The following IMPACT variants were observed in gnomAD, a reference collection of about 807,000 sequenced individuals.
IMPACT encodes impact RWD domain protein, also known as protein IMPACT.
In IMPACT, 35 loss-of-function variants were observed where a neutral mutation model predicts 47.5. That is an observed-to-expected ratio of 0.74 (90% CI 0.56 to 0.98). The LOEUF (loss-of-function observed/expected upper bound fraction) is 0.98. Among genes scored for constraint, IMPACT ranks in the 50% least tolerant of loss-of-function variants. The pLI is 0.00. For synonymous variants in IMPACT, 118 were observed against 125.6 expected, an observed-to-expected ratio of 0.94 and a Z score of 0.40; for missense variants, 373 against 394.8, an observed-to-expected ratio of 0.94 and a Z score of 0.47.
chr18:24,444,307 A>C (rs1366855352), intron 7 of IMPACT, among the ~76,000 whole-genome samples: 1 of 152,184 alleles, frequency 6.6e-6, no homozygotes, highest in Non-Finnish European at 1.5e-5. Context: ...TTTAGAGGTC[A>C]TTGTCTATTT....
At chr18:24,427,762 G>A in intron 1 of IMPACT, 157 bp from the exon 2 acceptor site, 1 of 625,938 alleles carries the variant, frequency 1.6e-6, no homozygotes, top group Non-Finnish European at 2.6e-6. Flanking sequence ...AGCAGAACAT[G>A]GTGACCTGCT....
chr18:24,441,456 A>G (rs1464887774), intron 6 of IMPACT, among the ~76,000 whole-genome samples: 1 of 152,226 alleles, frequency 6.6e-6, no homozygotes, highest in Admixed American at 6.5e-5. Context: ...TGGGATTATT[A>G]TAGGCGTGAG....
chr18:24,437,216 C>G (rs902850187), intron 4 of IMPACT, among the ~76,000 whole-genome samples: 15 of 152,134 alleles, frequency 9.9e-5, no homozygotes, highest in Admixed American at 9.8e-4. Flanking sequence ...ACCATACTTA[C>G]TACAATTAGT....
chr18:24,445,379 T>C lies in IMPACT; in HGVS notation c.595-14T>C. On this transcript the variant is annotated splice_polypyrimidine_tract_variant and intron_variant, in intron 7 of 10. Transcript: ENST00000284202. ...ATAAAAAGCATACTTATTTATATTA[T>C]TGCTGTTTTTAAGGTGAAAATGGTT... 1.4e-6 allele frequency: 2 copies of C among 1,453,300 alleles called. No homozygotes were observed. The highest frequency in any genetic ancestry group is 1.9e-6 in the Non-Finnish European group (2 of 1,047,622). 90.0% of individuals were successfully genotyped at this position (1,453,300 alleles called of 1,614,324 possible).
rs1453157221 is a variant in IMPACT at position 24,449,996 on chromosome 18, T to G, written c.894+43T>G. On this transcript the variant is annotated intron_variant, in intron 10 of 10. Coordinates refer to ENST00000284202, the MANE Select transcript of IMPACT (RefSeq NM_018439.4). ...CTACATCTAGAGAATTTCTCATCAC[T>G]GCCTGGGAATTTTTTAAAAAGACAG... 3.8e-6 allele frequency: 6 copies of G among 1,593,232 alleles called. No individual in the cohort carries two copies. In the Admixed American group the frequency reaches 8.4e-5, roughly 22 times the overall value.
chr18:24,448,505 G>A (rs1165932139), intron 9 of IMPACT, among the ~76,000 whole-genome samples: 1 of 151,350 alleles, frequency 6.6e-6, no homozygotes, highest in Non-Finnish European at 1.5e-5. Context: ...ATGGAACTCC[G>A]GTTAGTTGGA....
In IMPACT at chr18:24,434,776, A is replaced by AAAAT. The variant is rs1164402384; in HGVS notation, c.282-3178_282-3177insAATA. Among the ~76,000 whole-genome samples the AAAAT allele has an allele frequency of 1.9e-4, 22 of 113,998 alleles. No individual in the cohort carries two copies. In the South Asian group the frequency reaches 4.3e-3, roughly 22 times the overall value. The allele number at this position is 113,998 out of a possible 152,430, so 74.8% of individuals were successfully genotyped here. On this transcript the variant is annotated intron_variant, in intron 4 of 10. Transcript: ENST00000284202. ...AAAACTCTGTCTCAAAAAAAAAAAAAATATATATATATATATATATGTGTG... is the reference window on the plus strand; with the variant it reads ...AAAACTCTGTCTCAAAAAAAAAAAAAAAATATATATATATATATATATATGTGTG...
Position 24,450,010 on chromosome 18 carries a change from T to G in IMPACT, c.894+57T>G, listed in dbSNP as rs1599769038. 6 of 1,560,856 alleles carry G rather than the reference T, an allele frequency of 3.8e-6. No homozygotes were observed. In the East Asian group the frequency reaches 9.0e-5, roughly 23 times the overall value. Reference sequence around the variant, plus strand: ...TTTCTCATCACTGCCTGGGAATTTTTTAAAAAGACAGAAAATTAAGAATGA... The same window carrying G: ...TTTCTCATCACTGCCTGGGAATTTTGTAAAAAGACAGAAAATTAAGAATGA... On this transcript the variant is annotated intron_variant, in intron 10 of 10. Coordinates refer to ENST00000284202, the MANE Select transcript of IMPACT (RefSeq NM_018439.4).
chr18:24,453,193 A>T lies in IMPACT; in HGVS notation c.*2346A>T, dbSNP rs948176863. The T allele has an allele frequency of 1.3e-5, 2 of 152,254 alleles. No individual in the cohort carries two copies. Among genetic ancestry groups the T allele is most frequent in the African/African-American group, 4.8e-5 (2 of 41,466 alleles). The allele number at this position is 152,254 out of a possible 1,614,324, so 9.4% of individuals were successfully genotyped here. A position where few individuals can be genotyped will look rare whatever the true frequency, so the allele number is the denominator to read the frequency against. ...GCATCAAAAGTATGCTTTGAGGTAT[A>T]TATAGTGAAACAGAGCCTTTCTGAA... On this transcript the variant is annotated 3_prime_UTR_variant, in exon 11 of 11. Coordinates refer to ENST00000284202, the MANE Select transcript of IMPACT (RefSeq NM_018439.4).
At chr18:24,444,751 A>G (rs1457183192) in intron 7 of IMPACT, among the ~76,000 whole-genome samples, 1 of 152,222 alleles carries the variant, frequency 6.6e-6, no homozygotes, top group African/African-American at 2.4e-5. Flanking sequence ...ACATTATTGC[A>G]TGGGATGTAC....
chr18:24,434,836 A>ATATGTGTG (rs1908871510), intron 4 of IMPACT, among the ~76,000 whole-genome samples: 1 of 129,318 alleles, frequency 7.7e-6, no homozygotes, highest in Non-Finnish European at 1.6e-5. Context: ...ATATAAGTGT[A>ATATGTGTG]TATATATGTG....
chr18:24,431,525 T>C (rs1908757842), intron 4 of IMPACT, among the ~76,000 whole-genome samples: 1 of 152,066 alleles, frequency 6.6e-6, no homozygotes, highest in Admixed American at 6.5e-5. Flanking sequence ...GATTTTCTTT[T>C]TTTTGAGACA....
At chr18:24,436,523 C>T (rs1908947081) in intron 4 of IMPACT, among the ~76,000 whole-genome samples, 1 of 150,618 alleles carries the variant, frequency 6.6e-6, no homozygotes, top group Non-Finnish European at 1.5e-5. Context: ...TGTGAGCTGC[C>T]ACATCTGGCC....
rs1031480487 is a variant in IMPACT, at chr18:24,451,340, A to T, written c.*493A>T. ...CTTCTTGTGATTTTAGTTCATAAGTATGTCACCTTTCATTTTATAGTGTTC... is the reference window on the plus strand; with the variant it reads ...CTTCTTGTGATTTTAGTTCATAAGTTTGTCACCTTTCATTTTATAGTGTTC... On this transcript the variant is annotated 3_prime_UTR_variant, in exon 11 of 11. Coordinates refer to ENST00000284202, the MANE Select transcript of IMPACT (RefSeq NM_018439.4). The T allele has an allele frequency of 1.3e-5, 2 of 152,400 alleles. No individual in the cohort carries two copies. The highest frequency in any genetic ancestry group is 2.9e-5 in the Non-Finnish European group (2 of 68,198). The allele number at this position is 152,400 out of a possible 1,614,324, so 9.4% of individuals were successfully genotyped here. A position where few individuals can be genotyped will look rare whatever the true frequency, so the allele number is the denominator to read the frequency against.
At chr18:24,448,806 C>G (rs1379141783) in intron 9 of IMPACT, among the ~76,000 whole-genome samples, 1 of 151,986 alleles carries the variant, frequency 6.6e-6, no homozygotes. Context: ...AAAAATTTTT[C>G]CTGGTCCATT....
intron 4 of IMPACT, among the ~76,000 whole-genome samples, chr18:24,431,795 A>C (rs1599761452): frequency 6.6e-6 from 1 of 152,036 alleles, no homozygotes; most frequent in Non-Finnish European, 1.5e-5. Context: ...CCTGCCCCTC[A>C]GGTTCAAGCA....
At chr18:24,431,291 A>C (rs964185219) in intron 4 of IMPACT, among the ~76,000 whole-genome samples, 6 of 152,178 alleles carry the variant, frequency 3.9e-5, no homozygotes, top group African/African-American at 1.4e-4. Context: ...AGGCCACAGC[A>C]CAGGGCTTGG....
At chr18:24,441,475 CCCGG>C (rs1909111574) in intron 6 of IMPACT, among the ~76,000 whole-genome samples, 1 of 152,232 alleles carries the variant, frequency 6.6e-6, no homozygotes, top group Non-Finnish European at 1.5e-5. Flanking sequence ...AGCCACCACG[CCCGG>C]CCTAGTTTTC....
At chr18:24,429,056 G>A in intron 3 of IMPACT, 135 bp downstream of exon 3, 11 of 526,074 alleles carry the variant, frequency 2.1e-5, no homozygotes, top group South Asian at 1.6e-4. Context: ...TTTTGGGTTT[G>A]GTATAGAGCA....
Sources: gnomAD v4.1 joint callset for allele counts (sites outside exome capture counted in the v4.1 genomes callset) on GRCh38, gnomAD v4.1.1 for gene constraint, MANE v1.5 for transcripts, NCBI Gene and HGNC (gene_info 2026-07-23, HGNC 2026-07-21) for gene names.